NAV2: variants seen among roughly 807,000 people sequenced by gnomAD.
NAV2 encodes the protein helicase, APC down-regulated 1.
A neutral mutation model predicts 223.2 loss-of-function variants in NAV2; 54 were observed. That is an observed-to-expected ratio of 0.24 (90% CI 0.19 to 0.30). The LOEUF (loss-of-function observed/expected upper bound fraction) is 0.30. Ranked by LOEUF, NAV2 falls within the 10% of genes least tolerant of loss-of-function variation. The probability of loss-of-function intolerance (pLI) is 1.00; values close to 1 mark genes in which losing one functional copy is unlikely to be tolerated. For synonymous variants in NAV2, 1,279 were observed against 1,239.3 expected (o/e 1.03, Z -0.67); for missense variants, 2,806 against 3,147.5 (o/e 0.89, Z 2.60).
At chr11:20,035,905 T>C in intron 11 of NAV2, 54 bp from the exon 12 acceptor site, 1 of 1,609,700 alleles carries the variant, frequency 6.2e-7, no homozygotes, top group Non-Finnish European at 8.5e-7. Flanking sequence ...GTCATCAGCC[T>C]GAGCTGGAAC....
intron 1 of NAV2, among the ~76,000 whole-genome samples, chr11:19,491,101 A>G (rs1256112387): frequency 6.6e-6 from 1 of 152,100 alleles, no homozygotes; most frequent in Admixed American, 6.5e-5. Context: ...ATGGGGTCTC[A>G]TCCAGGCTTT....
chr11:19,933,713 A>G lies in NAV2; in HGVS notation c.1469A>G (p.Glu490Gly), dbSNP rs1225161248. Reference sequence around the variant, plus strand: ...CTGAAAGGCAATGAGAAAGAGAAGGAGAAACAACAGCGGGAGAAGGATAAG... The same window carrying G: ...CTGAAAGGCAATGAGAAAGAGAAGGGGAAACAACAGCGGGAGAAGGATAAG... ...SSLKGNEKEK[E>G]KQQREKDKEK... The change falls in exon 7 of 38, where the codon GAG (glutamate) becomes GGG (glycine). Residue 490 changes from glutamate to glycine, a missense_variant. Transcript: ENST00000349880. This position sits in a 1 kb window ranked among gnomAD's most constrained non-coding sequence, Gnocchi z 4.3. The G allele has an allele frequency of 1.9e-6, 3 of 1,614,206 alleles. No homozygotes were observed. The highest frequency in any genetic ancestry group is 1.7e-5 in the Admixed American group (1 of 60,026).
intron 10 of NAV2, among the ~76,000 whole-genome samples, chr11:19,969,714 G>A (rs540672441): frequency 3.9e-5 from 6 of 152,088 alleles, no homozygotes; most frequent in Admixed American, 2.6e-4. Flanking sequence ...AGGCTGAGGC[G>A]GGCGGATAAT....
chr11:19,753,846 C>G (rs1485111614), intron 1 of NAV2, among the ~76,000 whole-genome samples: 2 of 152,230 alleles, frequency 1.3e-5, no homozygotes, highest in Non-Finnish European at 2.9e-5. Context: ...AAGCATCTCA[C>G]CTGTCCCAGC....
At chr11:20,104,517 G>A (rs1459075173) in intron 34 of NAV2, 2 of 152,368 alleles carry the variant, frequency 1.3e-5, no homozygotes, top group Non-Finnish European at 2.9e-5. Flanking sequence ...AGCACACTGA[G>A]AGCATGGCTC....
Position 20,118,332 on chromosome 11 carries a change from A to G in NAV2, c.*74A>G. 1 of 1,545,960 alleles carries G rather than the reference A, an allele frequency of 6.5e-7. No individual in the cohort carries two copies. The highest frequency in any genetic ancestry group is 1.2e-5 in the South Asian group (1 of 86,724). On this transcript the variant is annotated 3_prime_UTR_variant, in exon 38 of 38. Coordinates refer to ENST00000349880, the MANE Select transcript of NAV2 (RefSeq NM_145117.5). ...CTGCATCCCCCACATCACCCTGAAG[A>G]TGACTTCCTGAGCCAGCCCCCAGCC...
chr11:19,409,578 G>T (rs573147279), intron 1 of NAV2, among the ~76,000 whole-genome samples: 1 of 152,164 alleles, frequency 6.6e-6, no homozygotes, highest in Non-Finnish European at 1.5e-5. Context: ...AATGGTGAAG[G>T]CTGTCAGCAG....
At chr11:19,901,727 A>G (rs1444712702) in intron 6 of NAV2, among the ~76,000 whole-genome samples, 1 of 152,246 alleles carries the variant, frequency 6.6e-6, no homozygotes, top group Non-Finnish European at 1.5e-5. Context: ...ATTTATTCTC[A>G]GAACCAGCAA....
chr11:19,365,231 A>AC, intron 1 of NAV2, among the ~76,000 whole-genome samples: 1 of 152,090 alleles, frequency 6.6e-6, no homozygotes, highest in East Asian at 1.9e-4. Context: ...CCAACCATCT[A>AC]CCCCTAGTCA....
intron 1 of NAV2, among the ~76,000 whole-genome samples, chr11:19,792,582 G>C (rs887928173): frequency 1.3e-5 from 2 of 152,168 alleles, no homozygotes; most frequent in South Asian, 2.1e-4. Context: ...GGAGGAAAAG[G>C]CCTTCTCTGC....
intron 1 of NAV2, among the ~76,000 whole-genome samples, chr11:19,481,749 C>CA (rs1156448112): frequency 2.6e-5 from 4 of 152,166 alleles, no homozygotes; most frequent in Non-Finnish European, 4.4e-5. Context: ...TTGAGATACA[C>CA]AAAAAATATA....
intron 1 of NAV2, among the ~76,000 whole-genome samples, chr11:19,631,440 A>G (rs1275680665): frequency 6.6e-6 from 1 of 152,226 alleles, no homozygotes; most frequent in Non-Finnish European, 1.5e-5. Context: ...TTGCCAAAAC[A>G]AGATTCTCAC....
chr11:19,743,028 G>A (rs1430342153), intron 1 of NAV2, among the ~76,000 whole-genome samples: 6 of 152,250 alleles, frequency 3.9e-5, no homozygotes, highest in Admixed American at 1.3e-4. Context: ...CAAGATTAGA[G>A]AAGGAAGAAC....
chr11:19,892,787 G>T (rs554361667), intron 6 of NAV2, among the ~76,000 whole-genome samples, 193 bp downstream of exon 6: 1 of 152,288 alleles, frequency 6.6e-6, no homozygotes, highest in South Asian at 2.1e-4. Context: ...TATTGTTATA[G>T]TCACTAGCAA....
chr11:19,994,272 C>T (rs12361983), intron 11 of NAV2, among the ~76,000 whole-genome samples: 3 of 152,096 alleles, frequency 2.0e-5, no homozygotes, highest in Non-Finnish European at 4.4e-5. Flanking sequence ...TAGGGCCAGG[C>T]GTGGTGGCTC....
intron 1 of NAV2, among the ~76,000 whole-genome samples, chr11:19,455,260 CA>C (rs1181308322): frequency 1.3e-5 from 2 of 152,102 alleles, no homozygotes; most frequent in Non-Finnish European, 2.9e-5. Context: ...TATTTATTTA[CA>C]AAAATGTTTA....
intron 1 of NAV2, among the ~76,000 whole-genome samples, chr11:19,467,008 CACACACACACAG>C (rs1219202199): frequency 2.3e-5 from 3 of 133,208 alleles, no homozygotes; most frequent in Non-Finnish European, 1.6e-5. Context: ...CACACACACA[CACACACACACAG>C]AGAGAGAGAG....
intron 1 of NAV2, among the ~76,000 whole-genome samples, chr11:19,677,533 C>T (rs1052861536): frequency 7.9e-5 from 12 of 152,248 alleles, no homozygotes; most frequent in Non-Finnish European, 1.3e-4. Flanking sequence ...CACAGCTTGT[C>T]AGTCATAGAC....
intron 1 of NAV2, among the ~76,000 whole-genome samples, chr11:19,547,210 C>T (rs914455856): frequency 6.6e-6 from 1 of 152,174 alleles, no homozygotes. Context: ...AGCAGTTGTT[C>T]GTTGAAGTAG....
Sources: allele counts gnomAD v4.1 joint callset (sites outside exome capture counted in the v4.1 genomes callset), GRCh38; gene constraint gnomAD v4.1.1; non-coding constraint Gnocchi (gnomAD v3.1); transcripts MANE v1.5; gene names NCBI Gene and HGNC (gene_info 2026-07-23, HGNC 2026-07-21).